Variants in CES5A observed in about 807,000 individuals in gnomAD.
The protein encoded by CES5A is carboxylesterase 5.
Under a neutral mutation model 62.9 loss-of-function variants are expected in CES5A, and 67 were observed. The observed-to-expected ratio is 1.07, with a 90% CI of 0.88 to 1.31. CES5A has a LOEUF of 1.31. Among genes scored for constraint, CES5A ranks in the 50% most tolerant of loss-of-function variants. The pLI is 0.00. For synonymous variants in CES5A, 296 were observed against 280.8 expected, an observed-to-expected ratio of 1.05 and a Z score of -0.54; for missense variants, 748 against 708.5, an observed-to-expected ratio of 1.06 and a Z score of -0.63.
intron 10 of CES5A, among the ~76,000 whole-genome samples, chr16:55,851,159 C>G (rs1430826114): frequency 6.6e-6 from 1 of 152,122 alleles, no homozygotes; most frequent in Non-Finnish European, 1.5e-5. Context: ...AAATTAAAAA[C>G]TACTGTGCAA....
At chr16:55,855,954 C>T (rs1258616725) in intron 9 of CES5A, among the ~76,000 whole-genome samples, 3 of 152,118 alleles carry the variant, frequency 2.0e-5, no homozygotes, top group Admixed American at 6.5e-5. Flanking sequence ...CCCTTTGGTG[C>T]TGTTCTCATG....
intron 1 of CES5A, among the ~76,000 whole-genome samples, chr16:55,886,635 C>G (rs2033818476): frequency 6.6e-6 from 1 of 152,158 alleles, no homozygotes; most frequent in Non-Finnish European, 1.5e-5. Context: ...GAGCCCTCAC[C>G]ATAGCACTAT....
chr16:55,934,455 T>G (rs944153946), intron 2 of CES5A, among the ~76,000 whole-genome samples: 4 of 152,222 alleles, frequency 2.6e-5, no homozygotes, highest in Non-Finnish European at 4.4e-5. Flanking sequence ...AGTACAATAT[T>G]GATCCACGGA....
chr16:55,912,070 T>TCA (rs1230201112), intron 1 of CES5A, among the ~76,000 whole-genome samples: 2 of 152,154 alleles, frequency 1.3e-5, no homozygotes, highest in African/African-American at 4.8e-5. Context: ...TCACAGGCCT[T>TCA]GTATCAACTC....
At chr16:55,875,740 C>T (rs538932849), upstream of CES5A, among the ~76,000 whole-genome samples, 22 of 152,354 alleles carry the variant, frequency 1.4e-4, no homozygotes, top group African/African-American at 5.1e-4. Context: ...CTTCAATGGC[C>T]ATTTGGTCTA....
intron 2 of CES5A, among the ~76,000 whole-genome samples, chr16:55,939,493 T>C (rs750737018): frequency 3.9e-5 from 6 of 152,128 alleles, no homozygotes; most frequent in Non-Finnish European, 8.8e-5. Context: ...TATGAATTAT[T>C]TTTTCCCCTC....
chr16:55,947,142 G>T (rs2034504143), intron 2 of CES5A, among the ~76,000 whole-genome samples: 1 of 152,168 alleles, frequency 6.6e-6, no homozygotes, highest in African/African-American at 2.4e-5. Context: ...TTAGAGCTGG[G>T]CTTCATTTAG....
intron 1 of CES5A, among the ~76,000 whole-genome samples, chr16:55,894,481 A>G (rs2033911408): frequency 7.6e-6 from 1 of 132,148 alleles, no homozygotes; most frequent in Non-Finnish European, 1.5e-5. Flanking sequence ...CCTGGGAGAC[A>G]GTGCAAAACT....
At chr16:55,905,331 C>A (rs1489124868) in intron 1 of CES5A, among the ~76,000 whole-genome samples, 1 of 151,628 alleles carries the variant, frequency 6.6e-6, no homozygotes, top group African/African-American at 2.4e-5. Context: ...TCCTTTTATC[C>A]ACGTTATCCT....
chr16:55,874,098 C>T (rs2033652968), intron 1 of CES5A, 61 bp from the exon 2 acceptor site: 2 of 1,463,216 alleles, frequency 1.4e-6, no homozygotes, highest in Admixed American at 2.0e-5. Flanking sequence ...AATGGCCCAC[C>T]CAGTCTGGAG....
intron 4 of CES5A, chr16:55,869,405 A>G: frequency 1.1e-6 from 1 of 951,664 alleles, no homozygotes; most frequent in Non-Finnish European, 1.4e-6. Context: ...AACTTTACCC[A>G]AGTGAGAAAG....
At chr16:55,949,101 T>C (rs1433923173) in intron 2 of CES5A, among the ~76,000 whole-genome samples, 4 of 152,224 alleles carry the variant, frequency 2.6e-5, no homozygotes, top group Non-Finnish European at 5.9e-5. Context: ...CTGATACACG[T>C]AATAATTCTC....
At chr16:55,947,582 T>C (rs1808914015) in intron 2 of CES5A, among the ~76,000 whole-genome samples, 1 of 152,006 alleles carries the variant, frequency 6.6e-6, no homozygotes. Context: ...ATAAGTGTTA[T>C]GAGAAAAAAT....
Position 55,856,374 on chromosome 16 carries a change from C to A in CES5A, c.1125+3G>T. 6.2e-7 allele frequency: 1 copy of A among 1,613,980 alleles called. No homozygotes were observed. Among genetic ancestry groups the A allele is most frequent in the Non-Finnish European group, 8.5e-7 (1 of 1,179,874 alleles). On this transcript the variant is annotated splice_donor_region_variant and intron_variant, in intron 9 of 12. Coordinates refer to ENST00000290567, the MANE Select transcript of CES5A (RefSeq NM_001143685.2). ...GAGTACTGCAGCCTCCCAAGCTACT[C>A]ACCAGGATGTTTTGTATCAGATGGA...
chr16:55,942,148 C>A (rs1049399216), intron 2 of CES5A, among the ~76,000 whole-genome samples: 1 of 152,056 alleles, frequency 6.6e-6, no homozygotes, highest in South Asian at 2.1e-4. Context: ...CAAAAGAATA[C>A]TTTTGCATTC....
chr16:55,937,818 C>T (rs1274299310), intron 2 of CES5A, among the ~76,000 whole-genome samples: 4 of 152,146 alleles, frequency 2.6e-5, no homozygotes, highest in African/African-American at 9.7e-5. Context: ...TCTTTCTCTC[C>T]ATTGGCAAAA....
chr16:55,899,725 G>C (rs903234554), intron 1 of CES5A, among the ~76,000 whole-genome samples: 1 of 152,186 alleles, frequency 6.6e-6, no homozygotes, highest in Non-Finnish European at 1.5e-5. Context: ...ACAGCTAGTG[G>C]AGAGGTACTG....
intron 1 of CES5A, among the ~76,000 whole-genome samples, chr16:55,908,263 T>C (rs1375388837): frequency 4.6e-5 from 7 of 152,210 alleles, no homozygotes; most frequent in African/African-American, 1.7e-4. Flanking sequence ...CTCCTCTTCC[T>C]GTTCCTCTTA....
At chr16:55,849,524 A>G in intron 11 of CES5A, 100 bp downstream of exon 11, 1 of 1,255,780 alleles carries the variant, frequency 8.0e-7, no homozygotes, top group Non-Finnish European at 1.1e-6. Flanking sequence ...TAAACCACAG[A>G]GGTAATTAAA....
Sources: gnomAD v4.1 joint callset for allele counts (sites outside exome capture counted in the v4.1 genomes callset) on GRCh38, gnomAD v4.1.1 for gene constraint, MANE v1.5 for transcripts, NCBI Gene and HGNC (gene_info 2026-07-23, HGNC 2026-07-21) for gene names.